GABRG3: variants seen among roughly 807,000 people sequenced by gnomAD.
GABRG3 encodes gamma-aminobutyric acid receptor subunit gamma-3.
A neutral mutation model predicts 48.8 loss-of-function variants in GABRG3; 25 were observed. The ratio of observed to expected loss-of-function variants is 0.51; its 90% CI spans 0.37 to 0.72. GABRG3 has a LOEUF of 0.72. Among genes scored for constraint, GABRG3 ranks in the 30% least tolerant of loss-of-function variants. GABRG3 has a pLI of 0.00. For synonymous variants in GABRG3, 227 were observed against 217.6 expected (o/e 1.04, Z -0.38); for missense variants, 394 against 577.9 (o/e 0.68, Z 3.26).
At chr15:27,029,610 GTC>G (rs925253090) in intron 3 of GABRG3, among the ~76,000 whole-genome samples, 11 of 152,182 alleles carry the variant, frequency 7.2e-5, no homozygotes, top group African/African-American at 2.7e-4. Flanking sequence ...GTTGCTGTGT[GTC>G]TCTCTCTGTT....
chr15:27,406,288 A>G (rs1268862532), intron 5 of GABRG3, among the ~76,000 whole-genome samples: 1 of 152,220 alleles, frequency 6.6e-6, no homozygotes, highest in African/African-American at 2.4e-5. Flanking sequence ...ACTTCTTGCT[A>G]GGAGGCGGAG....
intron 3 of GABRG3, among the ~76,000 whole-genome samples, chr15:27,313,035 GA>G (rs1225674235): frequency 5.1e-4 from 72 of 141,290 alleles, no homozygotes; most frequent in African/African-American, 6.7e-4. Context: ...ATGAAGGGTG[GA>G]AAAAAAAAAC....
chr15:26,979,619 A>G (rs1273971972), intron 2 of GABRG3, among the ~76,000 whole-genome samples: 2 of 152,152 alleles, frequency 1.3e-5, no homozygotes, highest in South Asian at 2.1e-4. Context: ...TACTGCATCA[A>G]TTGGTATGAT....
At chr15:27,155,763 A>G (rs935069128) in intron 3 of GABRG3, among the ~76,000 whole-genome samples, 1 of 152,096 alleles carries the variant, frequency 6.6e-6, no homozygotes, top group East Asian at 1.9e-4. Flanking sequence ...GGGTACAAGT[A>G]CCTGCTTCCA....
chr15:26,995,840 A>T lies in GABRG3; in HGVS notation c.202+18690A>T, dbSNP rs142134431. Among the ~76,000 whole-genome samples, 1,472 of 152,220 alleles carry T rather than the reference A, an allele frequency of 9.7e-3. 31 individuals are homozygous for T. The highest frequency in any genetic ancestry group is 0.034 in the African/African-American group (1,399 of 41,570). ...AAACCTAAAAATTTATTTTCACATT[A>T]GTTGTACAACCTTATGTCTTTTTTA... On this transcript the variant is annotated intron_variant, in intron 2 of 9. Transcript: ENST00000615808.
intron 3 of GABRG3, among the ~76,000 whole-genome samples, chr15:27,320,374 GT>G (rs1443154549): frequency 3.3e-5 from 5 of 152,082 alleles, no homozygotes; most frequent in Non-Finnish European, 7.4e-5. Flanking sequence ...GCACCCCGAT[GT>G]TATTGTCTGT....
intron 5 of GABRG3, among the ~76,000 whole-genome samples, chr15:27,371,228 T>C (rs1159538743): frequency 1.3e-5 from 2 of 152,188 alleles, no homozygotes; most frequent in African/African-American, 4.8e-5. Flanking sequence ...TTAGCAACCA[T>C]CGATAGAATA....
intron 3 of GABRG3, among the ~76,000 whole-genome samples, chr15:27,136,877 G>T (rs1898017961): frequency 6.6e-6 from 1 of 151,920 alleles, no homozygotes; most frequent in Non-Finnish European, 1.5e-5. Context: ...CCCTAACCTA[G>T]GGGGCTCTCT....
intron 3 of GABRG3, among the ~76,000 whole-genome samples, chr15:27,138,166 T>G (rs1267976019): frequency 2.0e-5 from 3 of 152,250 alleles, no homozygotes; most frequent in African/African-American, 7.2e-5. Context: ...TATTTATGCC[T>G]GTAGTTCAGA....
intron 3 of GABRG3, among the ~76,000 whole-genome samples, chr15:27,142,327 C>T (rs961738481): frequency 6.6e-6 from 1 of 152,154 alleles, no homozygotes; most frequent in Admixed American, 6.5e-5. Flanking sequence ...CTTACAGTTC[C>T]ACGTGGCTGG....
intron 3 of GABRG3, among the ~76,000 whole-genome samples, chr15:27,273,497 G>A (rs909667910): frequency 6.6e-6 from 1 of 152,212 alleles, no homozygotes; most frequent in Non-Finnish European, 1.5e-5. Flanking sequence ...GGTCGAGTCT[G>A]TCTTCAGTAG....
chr15:27,053,372 A>G lies in GABRG3; in HGVS notation c.270+26551A>G, dbSNP rs139956907. 5.9e-5 allele frequency among the ~76,000 whole-genome samples: 9 copies of G among 152,360 alleles called. No individual in the cohort carries two copies. The East Asian group carries it at 1.7e-3, about 29-fold the overall frequency. ...TCAAAAGAAGACATACAAGTGACCA[A>G]CAAATGAAAAAATCCTCAACATCAC... On this transcript the variant is annotated intron_variant, in intron 3 of 9. Transcript: ENST00000615808.
chr15:27,373,106 C>T (rs910826170), intron 5 of GABRG3, among the ~76,000 whole-genome samples: 1 of 152,178 alleles, frequency 6.6e-6, no homozygotes, highest in Non-Finnish European at 1.5e-5. Flanking sequence ...ACTAGAGAGA[C>T]CCTAGCCTGG....
chr15:27,231,757 G>A (rs922922025), intron 3 of GABRG3, among the ~76,000 whole-genome samples: 1 of 152,044 alleles, frequency 6.6e-6, no homozygotes, highest in Non-Finnish European at 1.5e-5. Flanking sequence ...ACACTTTTAG[G>A]TTTTGCTTGG....
At chr15:27,039,985 C>T (rs985486701) in intron 3 of GABRG3, among the ~76,000 whole-genome samples, 1 of 152,220 alleles carries the variant, frequency 6.6e-6, no homozygotes, top group African/African-American at 2.4e-5. Context: ...CTTTTCTGCT[C>T]CCTCCATCCC....
intron 5 of GABRG3, among the ~76,000 whole-genome samples, chr15:27,420,407 G>A (rs1888076434): frequency 6.6e-6 from 1 of 152,168 alleles, no homozygotes; most frequent in South Asian, 2.1e-4. Flanking sequence ...AAAGAAATGG[G>A]GAGATGTTTG....
chr15:26,983,238 T>A (rs1380799689), intron 2 of GABRG3, among the ~76,000 whole-genome samples: 2 of 152,050 alleles, frequency 1.3e-5, no homozygotes, highest in Admixed American at 6.6e-5. Flanking sequence ...TGAACTTATA[T>A]GTACATAATG....
intron 3 of GABRG3, among the ~76,000 whole-genome samples, chr15:27,038,332 C>G (rs778064527): frequency 6.6e-6 from 1 of 152,128 alleles, no homozygotes; most frequent in Non-Finnish European, 1.5e-5. Flanking sequence ...ATGTGAAGGA[C>G]GACCTTCCTT....
chr15:27,354,736 T>G (rs1453521550), intron 5 of GABRG3, among the ~76,000 whole-genome samples: 1 of 152,180 alleles, frequency 6.6e-6, no homozygotes, highest in Non-Finnish European at 1.5e-5. Flanking sequence ...TGAGTGGATA[T>G]CTCACATGCA....
Sources: gnomAD v4.1 joint callset for allele counts (sites outside exome capture counted in the v4.1 genomes callset) on GRCh38, gnomAD v4.1.1 for gene constraint, MANE v1.5 for transcripts, NCBI Gene and HGNC (gene_info 2026-07-23, HGNC 2026-07-21) for gene names.